Variants in LRMDA observed in about 807,000 individuals in gnomAD.
The protein encoded by LRMDA is leucine rich melanocyte differentiation associated, also known as leucine-rich melanocyte differentiation-associated protein.
LRMDA carries 18 observed loss-of-function variants against 29.8 expected under a neutral mutation model. The ratio of observed to expected loss-of-function variants is 0.60; its 90% confidence interval spans 0.42 to 0.90. The LOEUF is 0.90. Ranked by LOEUF, LRMDA falls within the 40% of genes least tolerant of loss-of-function variation. The pLI, the probability that LRMDA is intolerant of heterozygous loss-of-function variation, is 0.00. For synonymous variants in LRMDA, 125 were observed against 109.4 expected (o/e 1.14, Z -0.89); for missense variants, 273 against 273.9 (o/e 1.00, Z 0.02).
intron 2 of LRMDA, among the ~76,000 whole-genome samples, chr10:75,641,410 A>ATG (rs939230815): frequency 1.2e-4 from 4 of 34,118 alleles, no homozygotes; most frequent in African/African-American, 1.6e-4. Flanking sequence ...TTAATATATA[A>ATG]TATATATATA....
intron 2 of LRMDA, among the ~76,000 whole-genome samples, chr10:75,725,557 G>A (rs958678196): frequency 6.6e-6 from 1 of 152,130 alleles, no homozygotes; most frequent in African/African-American, 2.4e-5. Context: ...TGTGTCACAC[G>A]ATGAGTTGAG....
intron 2 of LRMDA, among the ~76,000 whole-genome samples, chr10:75,973,620 A>G (rs1359788093): frequency 6.6e-6 from 1 of 152,102 alleles, no homozygotes; most frequent in Non-Finnish European, 1.5e-5. Flanking sequence ...GGGTTTCACC[A>G]TGTTAGCCAG....
At position 75,795,178 on chromosome 10, in the gene LRMDA, G is replaced by A. The variant is rs183560661; in HGVS notation, c.132-240830G>A. 9.9e-3 allele frequency among the ~76,000 whole-genome samples: 1,513 copies of A among 152,070 alleles called. 23 individuals are homozygous for A. The highest frequency in any genetic ancestry group is 0.034 in the African/African-American group (1,421 of 41,476). On this transcript the variant is annotated intron_variant, in intron 2 of 6. Transcript: ENST00000611255. ...TGGGAGGCTGAGGCAGGTGGATCACGAGGTCAGGAGTTCGAGACCAGCCTG... is the reference window on the plus strand; with the variant it reads ...TGGGAGGCTGAGGCAGGTGGATCACAAGGTCAGGAGTTCGAGACCAGCCTG...
At position 76,429,624 on chromosome 10, in the gene LRMDA, A is replaced by G. The variant is rs182584185; in HGVS notation, c.601+105139A>G. Among the ~76,000 whole-genome samples the G allele has an allele frequency of 2.6e-4, 39 of 152,278 alleles. No homozygotes were observed. In the East Asian group the frequency reaches 5.8e-3, roughly 23 times the overall value. On this transcript the variant is annotated intron_variant, in intron 6 of 6. Transcript: ENST00000611255. ...CACTCTATTCTTTTCAAAGTCACTG[A>G]GGAAAGAAACTCTTTTTTCATTGTA...
chr10:75,985,975 A>G (rs1160153698), intron 2 of LRMDA, among the ~76,000 whole-genome samples: 2 of 152,258 alleles, frequency 1.3e-5, no homozygotes, highest in African/African-American at 2.4e-5. Flanking sequence ...TCTTGTATCA[A>G]CAGGAGTTGG....
At chr10:76,392,017 A>G (rs1213546708) in intron 6 of LRMDA, among the ~76,000 whole-genome samples, 6 of 152,196 alleles carry the variant, frequency 3.9e-5, no homozygotes, top group Non-Finnish European at 8.8e-5. Flanking sequence ...ATGTTGGAAT[A>G]GTGTCTGATT....
chr10:75,825,555 G>C (rs1299288386), intron 2 of LRMDA, among the ~76,000 whole-genome samples: 1 of 152,050 alleles, frequency 6.6e-6, no homozygotes, highest in African/African-American at 2.4e-5. Flanking sequence ...CGAATTCCTG[G>C]GAGAGCCCGA....
intron 5 of LRMDA, among the ~76,000 whole-genome samples, chr10:76,322,023 A>T (rs1487083863): frequency 6.6e-6 from 1 of 152,170 alleles, no homozygotes; most frequent in Non-Finnish European, 1.5e-5. Context: ...ATTTACTCAA[A>T]TTTGCTTATT....
chr10:75,588,933 G>C (rs1471047352), intron 2 of LRMDA, among the ~76,000 whole-genome samples: 1 of 152,120 alleles, frequency 6.6e-6, no homozygotes, highest in African/African-American at 2.4e-5. Flanking sequence ...CACACATAGA[G>C]AGCTTCCTCA....
At chr10:76,070,407 G>C (rs1460019322) in intron 5 of LRMDA, among the ~76,000 whole-genome samples, 2 of 152,170 alleles carry the variant, frequency 1.3e-5, no homozygotes, top group African/African-American at 4.8e-5. Context: ...TTCAGGTGTG[G>C]GCTCTCTTCC....
chr10:75,693,842 A>G (rs749406267), intron 2 of LRMDA, among the ~76,000 whole-genome samples: 40 of 152,182 alleles, frequency 2.6e-4, no homozygotes, highest in Non-Finnish European at 4.7e-4. Flanking sequence ...GGATGGTACA[A>G]TTTATTTCAG....
intron 2 of LRMDA, among the ~76,000 whole-genome samples, chr10:75,558,725 C>T (rs1258406213): frequency 2.7e-5 from 4 of 149,280 alleles, no homozygotes; most frequent in East Asian, 3.9e-4. Context: ...TGTTCCCCTT[C>T]CTGTGTCCAT....
intron 6 of LRMDA, among the ~76,000 whole-genome samples, chr10:76,384,541 C>G (rs1406825273): frequency 2.0e-5 from 3 of 152,164 alleles, no homozygotes; most frequent in Non-Finnish European, 4.4e-5. Context: ...TTCTTCATTA[C>G]CCCACAATTG....
chr10:76,217,519 A>ATCTAC (rs1370451797), intron 5 of LRMDA, among the ~76,000 whole-genome samples: 1 of 152,170 alleles, frequency 6.6e-6, no homozygotes, highest in African/African-American at 2.4e-5. Context: ...AGTTCCTTGT[A>ATCTAC]GATACAGAAT....
In LRMDA at chr10:75,751,014, A is replaced by G. The variant is rs572830011; in HGVS notation, c.132-284994A>G. On this transcript the variant is annotated intron_variant, in intron 2 of 6. Coordinates refer to ENST00000611255, the MANE Select transcript of LRMDA (RefSeq NM_001305581.2). The stretch of plus-strand genomic sequence containing the variant: ...AGCCGAGATCACGCCACTGCACTCC[A>G]GCCTGGGCAACATTGAGCACTGAGT... 7.3e-3 allele frequency among the ~76,000 whole-genome samples: 1,112 copies of G among 152,306 alleles called. 6 individuals are homozygous for G. The highest frequency in any genetic ancestry group is 0.025 in the African/African-American group (1,056 of 41,564).
At chr10:75,947,670 C>T (rs527419653) in intron 2 of LRMDA, among the ~76,000 whole-genome samples, 336 of 152,284 alleles carry the variant, frequency 2.2e-3, no homozygotes, top group Non-Finnish European at 4.0e-3. Flanking sequence ...AGATTTTCTT[C>T]ATGATTTGTG....
At chr10:75,777,909 A>G (rs1046196661) in intron 2 of LRMDA, among the ~76,000 whole-genome samples, 10 of 152,186 alleles carry the variant, frequency 6.6e-5, no homozygotes, top group Admixed American at 6.5e-4. Flanking sequence ...ATGCACATAT[A>G]TGCTATATGA....
At chr10:76,545,638 T>TTTTTTATTATTA (rs367744493) in intron 6 of LRMDA, among the ~76,000 whole-genome samples, 15 of 143,776 alleles carry the variant, frequency 1.0e-4, no homozygotes, top group Non-Finnish European at 2.3e-4. Context: ...GGAACAACCT[T>TTTTTTATTATTA]TTATTATTAT....
chr10:75,457,882 AT>A (rs1237066649), intron 2 of LRMDA, among the ~76,000 whole-genome samples: 1 of 148,170 alleles, frequency 6.7e-6, no homozygotes, highest in Admixed American at 6.7e-5. Flanking sequence ...CATTACTGCC[AT>A]TTTTTCTTTT....
Sources: allele counts gnomAD v4.1 joint callset (sites outside exome capture counted in the v4.1 genomes callset), GRCh38; gene constraint gnomAD v4.1.1; transcripts MANE v1.5; gene names NCBI Gene and HGNC (gene_info 2026-07-23, HGNC 2026-07-21).